Variants in TBC1D17 observed in about 807,000 individuals in gnomAD.
The protein encoded by TBC1D17 is TBC1 domain family, member 17.
A neutral mutation model predicts 78.8 loss-of-function variants in TBC1D17; 69 were observed. That is an observed-to-expected ratio of 0.88 (90% CI 0.72 to 1.07). The LOEUF (loss-of-function observed/expected upper bound fraction) is 1.07, where lower values mean the gene tolerates loss of function less well. Among genes scored for constraint, TBC1D17 ranks in the 50% least tolerant of loss-of-function variants. TBC1D17 has a pLI of 0.00. For synonymous variants in TBC1D17, 456 were observed against 358.3 expected, an observed-to-expected ratio of 1.27 and a Z score of -3.08; for missense variants, 957 against 861.0, an observed-to-expected ratio of 1.11 and a Z score of -1.39.
chr19:49,880,801 G>C (rs1284453531), intron 4 of TBC1D17, among the ~76,000 whole-genome samples: 1 of 152,196 alleles, frequency 6.6e-6, no homozygotes, highest in Non-Finnish European at 1.5e-5. Flanking sequence ...TTCCTTCCAG[G>C]AAGAGGTGAT....
At chr19:49,883,145 G>T in intron 9 of TBC1D17, 69 bp downstream of exon 9, 4 of 1,419,524 alleles carry the variant, frequency 2.8e-6, no homozygotes, top group Non-Finnish European at 3.9e-6. Flanking sequence ...CAATGGGCAA[G>T]TTCTGTGGAC....
intron 13 of TBC1D17, chr19:49,887,207 A>G (rs2075065588): frequency 2.1e-6 from 1 of 470,160 alleles, no homozygotes; most frequent in Non-Finnish European, 3.9e-6. Context: ...CAGCGGGCAG[A>G]GGTCTGTTTC....
In TBC1D17 at chr19:49,884,380, G is replaced by A; in HGVS notation, c.1243+11G>A. 7 of 1,613,742 alleles carry A rather than the reference G, an allele frequency of 4.3e-6. No homozygotes were observed. Among genetic ancestry groups the A allele is most frequent in the Non-Finnish European group, 5.9e-6 (7 of 1,179,708 alleles). On this transcript the variant is annotated intron_variant, in intron 11 of 16. Transcript: ENST00000221543. ...ATCACTTCGACCTCGGTGGGTGCCAGGCCTGGGGACGGGCGTGGCCGGGGC... is the reference window on the plus strand; with the variant it reads ...ATCACTTCGACCTCGGTGGGTGCCAAGCCTGGGGACGGGCGTGGCCGGGGC...
At chr19:49,882,646 G>A in intron 7 of TBC1D17, 118 bp from the exon 8 acceptor site, 1 of 1,422,522 alleles carries the variant, frequency 7.0e-7, no homozygotes, top group Non-Finnish European at 9.2e-7. Context: ...GCTGCTGCCT[G>A]CCCCTGAATG....
rs764434820 is a variant in TBC1D17 at position 49,884,733 on chromosome 19, G to A, written c.1419G>A (p.Leu473=). The A allele has an allele frequency of 1.2e-6, 2 of 1,614,000 alleles. No homozygotes were observed. Among genetic ancestry groups the A allele is most frequent in the East Asian group, 4.5e-5 (2 of 44,880 alleles). Residue 473 remains leucine, a synonymous_variant, in exon 13 of 17, where the codon CTG becomes CTA. Transcript: ENST00000221543. The part of the protein sequence containing the change: ...LGRLLLLLRV[L]DPLLCDFLDS... ...GACTGCTGCTGCTCCTGAGGGTGCT[G>A]GACCCCCTGCTCTGCGACTTCCTGG...
chr19:49,878,091 A>G, intron 1 of TBC1D17, 52 bp from the exon 2 acceptor site: 1 of 1,464,708 alleles, frequency 6.8e-7, no homozygotes, highest in South Asian at 1.2e-5. Context: ...TTGGCTCCCC[A>G]GGCTGGTCCC....
chr19:49,883,245 G>T (rs751237527), intron 9 of TBC1D17, among the ~76,000 whole-genome samples, 169 bp downstream of exon 9: 1 of 152,156 alleles, frequency 6.6e-6, no homozygotes, highest in Non-Finnish European at 1.5e-5. Flanking sequence ...CCCCTGTATG[G>T]TCTGTCTCCA....
At chr19:49,884,879 C>A in intron 13 of TBC1D17, 121 bp downstream of exon 13, 2 of 846,986 alleles carry the variant, frequency 2.4e-6, no homozygotes, top group South Asian at 1.6e-5. Flanking sequence ...GAAACATCCC[C>A]ACACAACCTA....
At chr19:49,887,691 C>T (rs975036402) in intron 14 of TBC1D17, 27 bp from the exon 15 acceptor site, 6 of 1,611,468 alleles carry the variant, frequency 3.7e-6, no homozygotes, top group African/African-American at 1.3e-5. Context: ...TATGACCTCC[C>T]TCCCTCCCTC....
intron 15 of TBC1D17, 74 bp downstream of exon 15, chr19:49,887,908 A>G (rs1345639227): frequency 4.8e-6 from 6 of 1,260,420 alleles, no homozygotes; most frequent in Non-Finnish European, 6.7e-6. Context: ...ACCTCCGGGG[A>G]GCAGGTGTTT....
At chr19:49,881,637 T>G (rs957519407) in intron 5 of TBC1D17, among the ~76,000 whole-genome samples, 162 bp downstream of exon 5, 2 of 152,224 alleles carry the variant, frequency 1.3e-5, no homozygotes, top group Admixed American at 1.3e-4. Context: ...GAGTATTGAT[T>G]TCAGGCAGGA....
At chr19:49,878,597 C>T (rs767951092) in intron 3 of TBC1D17, 25 bp downstream of exon 3, 38 of 1,610,450 alleles carry the variant, frequency 2.4e-5, no homozygotes, top group Non-Finnish European at 2.8e-5. Context: ...CTTTGCCCTT[C>T]TCCACTCGCT....
rs1463023337 is a variant in TBC1D17, at chr19:49,888,616, G to T, written c.1939G>T (p.Asp647Tyr). ...ILPEEEDEGADS is the reference protein window; with the variant it reads ...ILPEEEDEGAYS ...GCCCGAGGAGGAGGACGAGGGCGCC[G>T]ACTCCTAACCCCGCCAGGCAGCCTC... The change falls in exon 17 of 17, where the codon GAC (aspartate) becomes TAC (tyrosine). Residue 647 changes from aspartate (D) to tyrosine (Y), a missense_variant. Asp to Tyr is a radical substitution (Grantham distance 160). Coordinates refer to ENST00000221543, the MANE Select transcript of TBC1D17 (RefSeq NM_024682.3). The T allele has an allele frequency of 2.0e-6, 3 of 1,509,952 alleles. No homozygotes were observed. The highest frequency in any genetic ancestry group is 2.7e-6 in the Non-Finnish European group (3 of 1,130,200). The allele number at this position is 1,509,952 out of a possible 1,614,324, so 93.5% of individuals were successfully genotyped here.
chr19:49,878,716 C>T (rs2074983065), intron 3 of TBC1D17, 144 bp downstream of exon 3: 1 of 695,232 alleles, frequency 1.4e-6, no homozygotes, highest in Non-Finnish European at 2.5e-6. Context: ...CTCTGCCTCT[C>T]CTTTTGCTCC....
Position 49,882,401 on chromosome 19 carries a change from G to A in TBC1D17, c.798+1G>A. The A allele has an allele frequency of 6.2e-7, 1 of 1,600,666 alleles. No individual in the cohort carries two copies. The highest frequency in any genetic ancestry group is 8.5e-7 in the Non-Finnish European group (1 of 1,176,760). ...GCCTGGATTCGAGGTCATTTCCTGT[G>A]TGAGTAGTGAGTGGACCCTCCCTGT... On this transcript the variant is annotated splice_donor_variant, in intron 7 of 16. Coordinates refer to ENST00000221543, the MANE Select transcript of TBC1D17 (RefSeq NM_024682.3). LOFTEE classifies it high-confidence loss of function.
In TBC1D17 at chr19:49,884,727, G is replaced by C; in HGVS notation, c.1413G>C (p.Arg471Ser). The change falls in exon 13 of 17, where the codon AGG (arginine) becomes AGC (serine). Residue 471 changes from arginine to serine, a missense_variant. Physicochemically the swap from Arg to Ser is moderately radical, Grantham distance 110 (BLOSUM62 -1). Transcript: ENST00000221543. Reference sequence around the variant, plus strand: ...TCGGGCGACTGCTGCTGCTCCTGAGGGTGCTGGACCCCCTGCTCTGCGACT... The same window carrying C: ...TCGGGCGACTGCTGCTGCTCCTGAGCGTGCTGGACCCCCTGCTCTGCGACT... The part of the protein sequence containing the change: ...RQLGRLLLLL[R>S]VLDPLLCDFL... The C allele has an allele frequency of 6.2e-7, 1 of 1,614,034 alleles. No homozygotes were observed. Among genetic ancestry groups the C allele is most frequent in the Non-Finnish European group, 8.5e-7 (1 of 1,180,020 alleles).
In TBC1D17 at chr19:49,888,523, C is replaced by CCG; in HGVS notation, c.1846_1847insCG (p.Arg616ProfsTer47). 7 of 1,535,440 alleles carry CCG rather than the reference C, an allele frequency of 4.6e-6. No individual in the cohort carries two copies. The highest frequency in any genetic ancestry group is 1.4e-5 in the African/African-American group (1 of 73,386). On this transcript the variant is annotated frameshift_variant, in exon 17 of 17. Transcript: ENST00000221543. LOFTEE classifies it low-confidence loss of function (END_TRUNC). ...CTCCCCGCTGCCTCTGTCGCCCACCCGGGCCCCGCCCACCCCGCCGCCCTC... is the reference window on the plus strand; with the variant it reads ...CTCCCCGCTGCCTCTGTCGCCCACCCCGGGGCCCCGCCCACCCCGCCGCCCTC...
At position 49,882,314 on chromosome 19, in the gene TBC1D17, C is replaced by A; in HGVS notation, c.712C>A (p.Leu238Met). 1 of 1,611,884 alleles carries A rather than the reference C, an allele frequency of 6.2e-7. No individual in the cohort carries two copies. The highest frequency in any genetic ancestry group is 2.2e-5 in the East Asian group (1 of 44,892). ...AGTGACCAACTTCTTCCGGGGTGCC[C>A]TGCAGCCACAGCCTGAGGGAGCCGC... ...SRVTNFFRGA[L>M]QPQPEGAASD... The change falls in exon 7 of 17, where the codon CTG becomes ATG. Residue 238 changes from leucine (L) to methionine (M), a missense_variant. Leu to Met is a conservative substitution (Grantham distance 15). Transcript: ENST00000221543.
chr19:49,888,024 G>C, intron 15 of TBC1D17, 190 bp downstream of exon 15: 1 of 979,088 alleles, frequency 1.0e-6, no homozygotes, highest in South Asian at 1.6e-5. Flanking sequence ...AAGGTCCTCC[G>C]GGCAGGTGGG....
Sources: allele counts gnomAD v4.1 joint callset (sites outside exome capture counted in the v4.1 genomes callset), GRCh38; gene constraint gnomAD v4.1.1; transcripts MANE v1.5; gene names NCBI Gene and HGNC (gene_info 2026-07-23, HGNC 2026-07-21).